Variants in GALNTL6 observed in about 807,000 individuals in gnomAD.
GALNTL6 encodes polypeptide N-acetylgalactosaminyltransferase like 6.
A neutral mutation model predicts 73.7 loss-of-function variants in GALNTL6; 46 were observed. The observed-to-expected ratio is 0.62, with a 90% confidence interval of 0.49 to 0.80. The LOEUF is 0.80. GALNTL6 is among the 30% of genes least tolerant of loss of function. The pLI is 0.00. For missense variants in GALNTL6, 604 were observed against 755.0 expected, an observed-to-expected ratio of 0.80 and a Z score of 2.34; for synonymous variants, 259 against 263.7, an observed-to-expected ratio of 0.98 and a Z score of 0.17.
intron 10 of GALNTL6, among the ~76,000 whole-genome samples, chr4:172,988,383 T>C (rs187134228): frequency 1.3e-5 from 2 of 152,308 alleles, no homozygotes; most frequent in South Asian, 2.1e-4. Context: ...CAGCAAAGCA[T>C]TCAAGGTCTG....
chr4:172,225,389 G>T (rs1452943292), intron 2 of GALNTL6, among the ~76,000 whole-genome samples: 1 of 151,172 alleles, frequency 6.6e-6, no homozygotes, highest in East Asian at 1.9e-4. Context: ...TCAGTAGATT[G>T]TGGTACATTA....
intron 2 of GALNTL6, among the ~76,000 whole-genome samples, chr4:171,870,821 G>A (rs780448225): frequency 1.3e-5 from 2 of 152,164 alleles, no homozygotes; most frequent in African/African-American, 2.4e-5. Context: ...GGATCTTCTA[G>A]AGCCTAGGAG....
chr4:172,893,118 C>T (rs1746128347), intron 8 of GALNTL6, among the ~76,000 whole-genome samples: 1 of 152,206 alleles, frequency 6.6e-6, no homozygotes, highest in Non-Finnish European at 1.5e-5. Context: ...CTTTCTGCAG[C>T]GTCTGCCCCA....
chr4:172,352,544 T>A (rs1255338007), intron 5 of GALNTL6, among the ~76,000 whole-genome samples: 1 of 152,146 alleles, frequency 6.6e-6, no homozygotes, highest in Non-Finnish European at 1.5e-5. Flanking sequence ...TATCTCCAAA[T>A]TCCAGGCAAC....
intron 5 of GALNTL6, among the ~76,000 whole-genome samples, chr4:172,492,352 A>T (rs990466887): frequency 1.3e-5 from 2 of 152,076 alleles, no homozygotes; most frequent in African/African-American, 4.8e-5. Context: ...TAACTCAGAA[A>T]CTCACACTTC....
chr4:171,992,983 T>G (rs2110740988), intron 2 of GALNTL6, among the ~76,000 whole-genome samples: 1 of 151,426 alleles, frequency 6.6e-6, no homozygotes, highest in South Asian at 2.1e-4. Flanking sequence ...TCAGAGTTGC[T>G]TCTTTGTTTT....
chr4:172,051,876 A>G (rs1730883401), intron 2 of GALNTL6, among the ~76,000 whole-genome samples: 1 of 152,182 alleles, frequency 6.6e-6, no homozygotes, highest in Admixed American at 6.5e-5. Flanking sequence ...ACACCTTGGG[A>G]ACTGACAAAG....
intron 7 of GALNTL6, among the ~76,000 whole-genome samples, chr4:172,850,859 G>A (rs899575140): frequency 2.0e-5 from 3 of 152,112 alleles, no homozygotes; most frequent in Admixed American, 2.0e-4. Flanking sequence ...GAATACAGCT[G>A]AACAGCCAAA....
At chr4:172,146,718 TCAGGGCAGGGACC>T (rs1325923677) in intron 2 of GALNTL6, among the ~76,000 whole-genome samples, 3 of 152,196 alleles carry the variant, frequency 2.0e-5, no homozygotes, top group Non-Finnish European at 4.4e-5. Flanking sequence ...GTAAGTTCTG[TCAGGGCAGGGACC>T]CAGTGCAGAG....
At chr4:172,188,485 A>G (rs2202281) in intron 2 of GALNTL6, among the ~76,000 whole-genome samples, 53,395 of 152,126 alleles carry the variant, frequency 0.35, 9,555 homozygotes, top group Admixed American at 0.38. Flanking sequence ...AACAAAAGTG[A>G]CACGGTGTCT....
chr4:172,686,459 TAC>T (rs781496725), intron 5 of GALNTL6, among the ~76,000 whole-genome samples: 6 of 152,242 alleles, frequency 3.9e-5, no homozygotes, highest in Non-Finnish European at 8.8e-5. Flanking sequence ...CAAAGGAATC[TAC>T]ACACAAAGAT....
chr4:171,948,698 A>T (rs1738776643), intron 2 of GALNTL6, among the ~76,000 whole-genome samples: 1 of 152,170 alleles, frequency 6.6e-6, no homozygotes, highest in South Asian at 2.1e-4. Flanking sequence ...ACGCAATAAT[A>T]TTATGATATT....
At chr4:171,892,445 A>G (rs1736789043) in intron 2 of GALNTL6, among the ~76,000 whole-genome samples, 1 of 152,238 alleles carries the variant, frequency 6.6e-6, no homozygotes, top group Non-Finnish European at 1.5e-5. Flanking sequence ...GGAAAAGTAA[A>G]TATCCCTTAC....
At chr4:172,555,597 T>C (rs338035) in intron 5 of GALNTL6, among the ~76,000 whole-genome samples, 16,275 of 152,030 alleles carry the variant, frequency 0.11, 988 homozygotes, top group East Asian at 0.23. Context: ...TAATACATAT[T>C]GATGTATTTT....
intron 2 of GALNTL6, among the ~76,000 whole-genome samples, chr4:171,905,941 C>A (rs946998621): frequency 4.7e-5 from 7 of 150,496 alleles, no homozygotes; most frequent in Non-Finnish European, 8.9e-5. Flanking sequence ...TTCTTTGAAA[C>A]CAACGAGAAC....
intron 8 of GALNTL6, among the ~76,000 whole-genome samples, chr4:172,920,627 T>C (rs1747742985): frequency 6.6e-6 from 1 of 152,208 alleles, no homozygotes; most frequent in African/African-American, 2.4e-5. Context: ...ACATCACTCA[T>C]TTCTTTAATT....
At chr4:172,181,846 G>A (rs933237944) in intron 2 of GALNTL6, among the ~76,000 whole-genome samples, 1 of 151,464 alleles carries the variant, frequency 6.6e-6, no homozygotes, top group African/African-American at 2.4e-5. Flanking sequence ...CTCCTGAGTA[G>A]CTGGGACTAC....
At chr4:171,968,451 G>T (rs1739454389) in intron 2 of GALNTL6, among the ~76,000 whole-genome samples, 1 of 152,142 alleles carries the variant, frequency 6.6e-6, no homozygotes, top group South Asian at 2.1e-4. Flanking sequence ...ATCTTCAAGT[G>T]CTTCTTCTCT....
intron 7 of GALNTL6, among the ~76,000 whole-genome samples, chr4:172,824,863 A>G (rs1351735052): frequency 6.6e-6 from 1 of 152,316 alleles, no homozygotes; most frequent in African/African-American, 2.4e-5. Flanking sequence ...ACAGACTTTC[A>G]TGAGCTTATA....
Sources: allele counts gnomAD v4.1 joint callset (sites outside exome capture counted in the v4.1 genomes callset), GRCh38; gene constraint gnomAD v4.1.1; transcripts MANE v1.5; gene names NCBI Gene and HGNC (gene_info 2026-07-23, HGNC 2026-07-21).